Variants in MYSM1 observed in about 807,000 individuals in gnomAD.
MYSM1 encodes deubiquitinase MYSM1.
In MYSM1, 51 loss-of-function variants were observed where a neutral mutation model predicts 116.0. That is an observed-to-expected ratio of 0.44 (90% CI 0.35 to 0.56). The LOEUF is 0.56. Ranked by LOEUF, MYSM1 falls within the 20% of genes least tolerant of loss-of-function variation. The pLI is 0.00. For synonymous variants in MYSM1, 313 were observed against 315.2 expected (o/e 0.99, Z 0.07); for missense variants, 900 against 974.9 (o/e 0.92, Z 1.02).
chr1:58,693,008 A>G (rs1274904672), intron 2 of MYSM1, 77 bp from the exon 3 acceptor site: 1 of 1,138,794 alleles, frequency 8.8e-7, no homozygotes, highest in African/African-American at 1.6e-5. Context: ...AAAGAAAAAT[A>G]CATGTTATAA....
At chr1:58,667,647 C>T (rs1039829530) in intron 15 of MYSM1, among the ~76,000 whole-genome samples, 200 bp downstream of exon 15, 4 of 151,608 alleles carry the variant, frequency 2.6e-5, no homozygotes, top group South Asian at 2.1e-4. Context: ...AATGTTCTCT[C>T]GGTGGTAAAA....
chr1:58,665,105 CAG>C lies in MYSM1; in HGVS notation c.2164+392_2164+393del, dbSNP rs1342376814. On this transcript the variant is annotated intron_variant, in intron 17 of 19. Transcript: ENST00000472487. ...TTGTTAACCCTAAACCGGGAGGTGA[CAG>C]AGAGCTGGTGGTCATTTTTTTTTTC... is the stretch of plus-strand genomic sequence containing the variant. Among the ~76,000 whole-genome samples the C allele has an allele frequency of 1.6e-4, 25 of 152,146 alleles. 1 individual carries two copies. The highest frequency in any genetic ancestry group is 1.6e-3 in the Admixed American group (25 of 15,276).
chr1:58,658,450 G>T lies in MYSM1; in HGVS notation c.*1547C>A, dbSNP rs1156924685. 4 of 152,068 alleles carry T rather than the reference G, an allele frequency of 2.6e-5. No homozygotes were observed. The highest frequency in any genetic ancestry group is 9.7e-5 in the African/African-American group (4 of 41,390). 9.4% of individuals were successfully genotyped at this position (152,068 alleles called of 1,614,324 possible). On this transcript the variant is annotated 3_prime_UTR_variant, in exon 20 of 20. Coordinates refer to ENST00000472487, the MANE Select transcript of MYSM1 (RefSeq NM_001085487.3). The stretch of plus-strand genomic sequence containing the variant: ...AATTTTAGTTCTGGAAGGACATTAA[G>T]AAGTTAAGTTAGACTTCAGTTACAC...
At chr1:58,670,256 AGAT>A (rs1208131773) in intron 12 of MYSM1, among the ~76,000 whole-genome samples, 1 of 152,240 alleles carries the variant, frequency 6.6e-6, no homozygotes, top group Non-Finnish European at 1.5e-5. Context: ...AGGCCAAGAT[AGAT>A]GAGAAAATAG....
At position 58,681,957 on chromosome 1, in the gene MYSM1, C is replaced by A; in HGVS notation, c.1087G>T (p.Val363Leu). Reference sequence around the variant, plus strand: ...TCTTCTTCCTCATGGCTTTCCTCTACCATTTGGCAAGAATGAAAAAGCATT... The same window carrying A: ...TCTTCTTCCTCATGGCTTTCCTCTAACATTTGGCAAGAATGAAAAAGCATT... ...NEMLFHSCQM[V>L]EESHEEEELK... Residue 363 changes from valine (V) to leucine (L), a missense_variant, in exon 8 of 20, where the codon GTA (valine) becomes TTA (leucine). Val to Leu is a conservative substitution (Grantham distance 32). Coordinates refer to ENST00000472487, the MANE Select transcript of MYSM1 (RefSeq NM_001085487.3). The A allele has an allele frequency of 6.2e-7, 1 of 1,614,088 alleles. No homozygotes were observed. The highest frequency in any genetic ancestry group is 8.5e-7 in the Non-Finnish European group (1 of 1,180,018).
At chr1:58,683,050 T>C (rs1226939206) in intron 7 of MYSM1, among the ~76,000 whole-genome samples, 1 of 152,226 alleles carries the variant, frequency 6.6e-6, no homozygotes, top group South Asian at 2.1e-4. Context: ...GGTAGGACCA[T>C]AGACTACAAC....
intron 16 of MYSM1, 150 bp downstream of exon 16, chr1:58,666,886 AAT>A (rs201958596): frequency 0.23 from 81,982 of 361,224 alleles, 10,965 homozygotes; most frequent in African/African-American, 0.41. Flanking sequence ...AAAAAAAAAT[AAT>A]AATAAAAATA....
In MYSM1 at chr1:58,655,986, A is replaced by C. The variant is rs1020272950; in HGVS notation, c.*4011T>G. ...GCTGACTTGCGACTGGATGGCTTCA[A>C]CTCAGGTGCTCATGTGTTACATGGC... On this transcript the variant is annotated 3_prime_UTR_variant, in exon 20 of 20. Coordinates refer to ENST00000472487, the MANE Select transcript of MYSM1 (RefSeq NM_001085487.3). The C allele has an allele frequency of 6.6e-6, 1 of 152,156 alleles. No homozygotes were observed. Among genetic ancestry groups the C allele is most frequent in the Non-Finnish European group, 1.5e-5 (1 of 68,014 alleles). The allele number at this position is 152,156 out of a possible 1,614,324, so 9.4% of individuals were successfully genotyped here. A position where few individuals can be genotyped will look rare whatever the true frequency, so the allele number is the denominator to read the frequency against.
intron 12 of MYSM1, 133 bp downstream of exon 12, chr1:58,671,737 A>G: frequency 3.0e-6 from 2 of 664,850 alleles, no homozygotes; most frequent in South Asian, 4.5e-5. Flanking sequence ...GAAACAAAAA[A>G]AATCTAAAAA....
intron 11 of MYSM1, among the ~76,000 whole-genome samples, chr1:58,672,765 C>T (rs1267259296): frequency 6.6e-6 from 1 of 152,100 alleles, no homozygotes; most frequent in Non-Finnish European, 1.5e-5. Context: ...TCTACGAAAC[C>T]TGCCCTGATC....
intron 15 of MYSM1, 59 bp from the exon 16 acceptor site, chr1:58,667,285 A>C (rs1032872986): frequency 1.3e-5 from 16 of 1,255,840 alleles, no homozygotes; most frequent in Non-Finnish European, 1.6e-5. Context: ...TATTACTCTA[A>C]TGTTATAATT....
rs1214921590 is a variant in MYSM1 at position 58,682,386 on chromosome 1, C to A, written c.658G>T (p.Asp220Tyr). ...TCATCTGTGATGTCTACTTCTTCAT[C>A]ATCAGATAACTTTTCAATTTTTACA... Reference protein sequence around the residue: ...NAVKIEKLSDDEEVDITDEVD... With the variant: ...NAVKIEKLSDYEEVDITDEVD... The change falls in exon 8 of 20, where the codon GAT becomes TAT. Residue 220 changes from aspartate (D) to tyrosine (Y), a missense_variant. By Grantham distance (160) the Asp-to-Tyr change is radical. Coordinates refer to ENST00000472487, the MANE Select transcript of MYSM1 (RefSeq NM_001085487.3). 1.9e-6 allele frequency: 3 copies of A among 1,614,048 alleles called. No individual in the cohort carries two copies. The highest frequency in any genetic ancestry group is 2.5e-6 in the Non-Finnish European group (3 of 1,180,042).
intron 8 of MYSM1, among the ~76,000 whole-genome samples, chr1:58,680,054 G>A (rs1440578868): frequency 1.4e-5 from 2 of 147,628 alleles, no homozygotes; most frequent in Non-Finnish European, 3.0e-5. Context: ...AAAAAAGGTT[G>A]TGAGCCACTA....
In MYSM1 at chr1:58,682,532, A is replaced by T; in HGVS notation, c.512T>A (p.Leu171Gln). The T allele has an allele frequency of 1.2e-6, 2 of 1,603,758 alleles. No homozygotes were observed. The highest frequency in any genetic ancestry group is 1.7e-6 in the Non-Finnish European group (2 of 1,175,598). The change falls in exon 8 of 20, where the codon CTG becomes CAG. Residue 171 changes from leucine (L) to glutamine (Q), a missense_variant. Physicochemically the swap from Leu to Gln is moderately radical, Grantham distance 113. This residue lies in a region of MYSM1 where 622 missense variants were observed against 623.7 expected (regional missense o/e 1.00). Coordinates refer to ENST00000472487, the MANE Select transcript of MYSM1 (RefSeq NM_001085487.3). ...QYFKNKVKCG[L>Q]DKETPNQKTG... ...CTTCTGATTTGGTGTTTCTTTATCC[A>T]GACCGCATTTGACCTTATTAAAAAT...
intron 17 of MYSM1, among the ~76,000 whole-genome samples, chr1:58,662,852 A>G (rs996960035): frequency 6.6e-6 from 1 of 152,150 alleles, no homozygotes; most frequent in African/African-American, 2.4e-5. Context: ...GAAGAGTGAC[A>G]CACTATAGTA....
At chr1:58,685,119 T>A (rs376092138) in intron 7 of MYSM1, 34 bp downstream of exon 7, 3 of 1,485,208 alleles carry the variant, frequency 2.0e-6, no homozygotes, top group Non-Finnish European at 2.7e-6. Flanking sequence ...CTAAATATTA[T>A]CATTATTAAC....
At chr1:58,682,662 C>T in intron 7 of MYSM1, 117 bp from the exon 8 acceptor site, 1 of 878,716 alleles carries the variant, frequency 1.1e-6, no homozygotes, top group East Asian at 2.8e-5. Flanking sequence ...GTAAATGGTA[C>T]ATTATACCTC....
At chr1:58,697,644 C>T (rs1569816238) in intron 1 of MYSM1, among the ~76,000 whole-genome samples, 1 of 151,008 alleles carries the variant, frequency 6.6e-6, no homozygotes, top group African/African-American at 2.4e-5. Context: ...GGCTAGAGGG[C>T]AATGGCGCGA....
chr1:58,675,090 CTA>C (rs1477134172), intron 10 of MYSM1, among the ~76,000 whole-genome samples: 1 of 149,886 alleles, frequency 6.7e-6, no homozygotes, highest in African/African-American at 2.5e-5. Context: ...AAAAAAAAGT[CTA>C]GTTATTCCAA....
Sources: gnomAD v4.1 joint callset for allele counts (sites outside exome capture counted in the v4.1 genomes callset) on GRCh38, gnomAD v4.1.1 for gene constraint, gnomAD v4.1.1 regional missense constraint, MANE v1.5 for transcripts, NCBI Gene and HGNC (gene_info 2026-07-23, HGNC 2026-07-21) for gene names.